Variants in SEMA3D observed in about 807,000 individuals in gnomAD.
The protein encoded by SEMA3D is semaphorin-3D.
SEMA3D carries 84 observed loss-of-function variants against 100.1 expected under a neutral mutation model. The ratio of observed to expected loss-of-function variants is 0.84; its 90% confidence interval spans 0.70 to 1.01. The LOEUF is 1.01. SEMA3D is among the 50% of genes least tolerant of loss of function. The pLI is 0.00. For synonymous variants in SEMA3D, 312 were observed against 320.7 expected, an observed-to-expected ratio of 0.97 and a Z score of 0.29; for missense variants, 875 against 934.1, an observed-to-expected ratio of 0.94 and a Z score of 0.82.
intron 2 of SEMA3D, among the ~76,000 whole-genome samples, chr7:85,146,921 G>T: frequency 6.6e-6 from 1 of 151,912 alleles, no homozygotes. Flanking sequence ...CTAAAAGAAA[G>T]AATGTTGGTA....
intron 2 of SEMA3D, among the ~76,000 whole-genome samples, chr7:85,149,492 A>T (rs1790304232): frequency 6.6e-6 from 1 of 151,998 alleles, no homozygotes; most frequent in African/African-American, 2.4e-5. Context: ...CAAACAAACA[A>T]AAACCAAAAG....
chr7:85,014,938 C>T, intron 16 of SEMA3D, 121 bp downstream of exon 16: 1 of 626,908 alleles, frequency 1.6e-6, no homozygotes, highest in Non-Finnish European at 2.5e-6. Context: ...TTTAATATTC[C>T]TTCCATAGGA....
chr7:85,145,542 G>T (rs760313012), intron 2 of SEMA3D, among the ~76,000 whole-genome samples: 1 of 151,818 alleles, frequency 6.6e-6, no homozygotes, highest in African/African-American at 2.4e-5. Flanking sequence ...TCATAGATAA[G>T]AACTCCCATT....
the SEMA3D span, among the ~76,000 whole-genome samples, chr7:85,222,727 T>G: frequency 1.3e-5 from 2 of 152,030 alleles, no homozygotes; most frequent in Non-Finnish European, 2.9e-5. Flanking sequence ...GAGTTCATCA[T>G]CAACAAAGAA....
chr7:85,112,726 A>G (rs1203439044), intron 3 of SEMA3D, among the ~76,000 whole-genome samples: 2 of 152,180 alleles, frequency 1.3e-5, no homozygotes, highest in Non-Finnish European at 2.9e-5. Context: ...CTTATACATG[A>G]TAAAGTCTGA....
chr7:85,129,057 A>AT (rs915275650), intron 2 of SEMA3D, among the ~76,000 whole-genome samples: 5 of 150,280 alleles, frequency 3.3e-5, no homozygotes, highest in South Asian at 4.2e-4. Context: ...TGCCCAGCTA[A>AT]TTTTTTTTTG....
the SEMA3D span, among the ~76,000 whole-genome samples, chr7:85,236,281 T>TTTTATTTTA: frequency 3.8e-5 from 5 of 132,008 alleles, no homozygotes; most frequent in African/African-American, 1.0e-4. Flanking sequence ...TTTTATTTTA[T>TTTTATTTTA]TTTATTTATT....
At chr7:85,063,074 T>G (rs1791520482) in intron 8 of SEMA3D, among the ~76,000 whole-genome samples, 1 of 152,196 alleles carries the variant, frequency 6.6e-6, no homozygotes, top group African/African-American at 2.4e-5. Context: ...CTCTTAAAAT[T>G]GTCTTCTAAT....
chr7:85,091,750 T>A (rs1446734568), intron 4 of SEMA3D, among the ~76,000 whole-genome samples: 1 of 152,102 alleles, frequency 6.6e-6, no homozygotes, highest in Non-Finnish European at 1.5e-5. Flanking sequence ...ATTATTATAA[T>A]GTCTACACTG....
chr7:85,124,349 T>A (rs565158938), intron 2 of SEMA3D, among the ~76,000 whole-genome samples: 42 of 152,000 alleles, frequency 2.8e-4, no homozygotes, highest in African/African-American at 9.9e-4. Flanking sequence ...TATATTTATA[T>A]GTTAATAAAG....
At chr7:85,180,459 A>G (rs1172765105) in intron 1 of SEMA3D, among the ~76,000 whole-genome samples, 3 of 152,226 alleles carry the variant, frequency 2.0e-5, no homozygotes, top group Non-Finnish European at 4.4e-5. Flanking sequence ...TAATACATGC[A>G]TTAATCTTAT....
the SEMA3D span, among the ~76,000 whole-genome samples, chr7:85,244,896 G>A: frequency 2.6e-5 from 4 of 152,012 alleles, no homozygotes; most frequent in African/African-American, 9.6e-5. Flanking sequence ...TATTTTAGTG[G>A]AGACTGGGAT....
At chr7:85,235,565 C>T in the SEMA3D span, among the ~76,000 whole-genome samples, 1 of 152,018 alleles carries the variant, frequency 6.6e-6, no homozygotes, top group South Asian at 2.1e-4. Flanking sequence ...TTTCTTTATT[C>T]TTGATATCTG....
Position 85,097,937 on chromosome 7 carries a change from G to A in SEMA3D, c.180C>T (p.Pro60=), listed in dbSNP as rs1428900987. ...KDLLLSNSCI[P]FLGSSEGLDF... is the part of the protein sequence containing the mutation. Reference sequence around the variant, plus strand: ...CCAGTCCTTCTGATGAACCCAAAAAGGGAATACAGCTATTTGAAAGCAGCA... The same window carrying A: ...CCAGTCCTTCTGATGAACCCAAAAAAGGAATACAGCTATTTGAAAGCAGCA... Residue 60 remains proline, a synonymous_variant, in exon 4 of 19, where the codon CCC becomes CCT. Transcript: ENST00000284136. 1 of 1,600,644 alleles carries A rather than the reference G, an allele frequency of 6.2e-7. No homozygotes were observed. The highest frequency in any genetic ancestry group is 2.2e-5 in the East Asian group (1 of 44,594).
intron 3 of SEMA3D, among the ~76,000 whole-genome samples, chr7:85,100,641 C>A (rs996729024): frequency 6.6e-6 from 1 of 151,828 alleles, no homozygotes; most frequent in African/African-American, 2.4e-5. Context: ...CATGGCAGTT[C>A]TAACCTCTGT....
chr7:85,250,130 A>G, the SEMA3D span, among the ~76,000 whole-genome samples: 1 of 152,014 alleles, frequency 6.6e-6, no homozygotes, highest in Admixed American at 6.5e-5. Context: ...GAATCGGGTC[A>G]CTCCCACCCG....
intron 4 of SEMA3D, among the ~76,000 whole-genome samples, chr7:85,094,631 C>T (rs1457634954): frequency 6.6e-6 from 1 of 151,944 alleles, no homozygotes; most frequent in Non-Finnish European, 1.5e-5. Flanking sequence ...AGTGTCATAA[C>T]TGGTAAATAC....
intron 1 of SEMA3D, among the ~76,000 whole-genome samples, chr7:85,180,988 A>T (rs564687609): frequency 6.6e-6 from 1 of 152,310 alleles, no homozygotes; most frequent in Admixed American, 6.5e-5. Context: ...AAGTTATCTG[A>T]TGTTTTTCTT....
At chr7:85,098,410 A>C (rs1788639546) in intron 3 of SEMA3D, among the ~76,000 whole-genome samples, 1 of 151,920 alleles carries the variant, frequency 6.6e-6, no homozygotes, top group African/African-American at 2.4e-5. Context: ...TAAAGCATCT[A>C]TATATATTAA....
Sources: allele counts gnomAD v4.1 joint callset (sites outside exome capture counted in the v4.1 genomes callset), GRCh38; gene constraint gnomAD v4.1.1; transcripts MANE v1.5; gene names NCBI Gene and HGNC (gene_info 2026-07-23, HGNC 2026-07-21).